The following RNF130 variants were observed in gnomAD, a reference collection of about 807,000 sequenced individuals.
RNF130 encodes the protein E3 ubiquitin-protein ligase RNF130.
A neutral mutation model predicts 44.6 loss-of-function variants in RNF130; 21 were observed. That is an observed-to-expected ratio of 0.47 (90% CI 0.33 to 0.68). RNF130 has a LOEUF of 0.68. Ranked by LOEUF, RNF130 falls within the 30% of genes least tolerant of loss-of-function variation. RNF130 has a pLI of 0.02. For missense variants in RNF130, 479 were observed against 560.6 expected (o/e 0.85, Z 1.47); for synonymous variants, 214 against 210.4 (o/e 1.02, Z -0.15).
chr5:180,050,535 ATG>A (rs1183790494), intron 1 of RNF130, among the ~76,000 whole-genome samples: 1 of 152,208 alleles, frequency 6.6e-6, no homozygotes, highest in Non-Finnish European at 1.5e-5. Flanking sequence ...CTGACCAAGT[ATG>A]TGGGCACCTG....
At chr5:180,005,003 C>T (rs528413987) in intron 3 of RNF130, among the ~76,000 whole-genome samples, 2 of 152,290 alleles carry the variant, frequency 1.3e-5, no homozygotes, top group South Asian at 4.1e-4. Context: ...CAGATCACTC[C>T]TCTCCTCTCT....
At chr5:179,917,731 G>T (rs189248810) in exon 8 of RNF130, 2 of 152,228 alleles carry the variant, frequency 1.3e-5, no homozygotes, top group East Asian at 3.9e-4. Flanking sequence ...GCTGGGCATG[G>T]TGGCTCACAA....
chr5:180,042,684 C>G (rs1385670727), intron 1 of RNF130, among the ~76,000 whole-genome samples: 2 of 152,220 alleles, frequency 1.3e-5, no homozygotes, highest in East Asian at 3.9e-4. Flanking sequence ...GTGTTCTGTT[C>G]GTTATTTTTC....
chr5:180,045,047 A>G (rs996598959), intron 1 of RNF130, among the ~76,000 whole-genome samples: 14 of 152,194 alleles, frequency 9.2e-5, no homozygotes, highest in Non-Finnish European at 2.1e-4. Context: ...AGTTGCCAGC[A>G]TAAAAACACA....
chr5:180,034,591 G>GTTCAT (rs57346064), intron 2 of RNF130, among the ~76,000 whole-genome samples: 121,081 of 151,562 alleles, frequency 0.8, 48,575 homozygotes, highest in South Asian at 0.93. Flanking sequence ...TTAGGAATTT[G>GTTCAT]TTCATCTAAG....
At chr5:179,930,456 G>C (rs1183661939) in intron 7 of RNF130, among the ~76,000 whole-genome samples, 2 of 152,104 alleles carry the variant, frequency 1.3e-5, no homozygotes, top group African/African-American at 2.4e-5. Context: ...AGAATATATT[G>C]AATTTTCTAC....
intron 3 of RNF130, among the ~76,000 whole-genome samples, chr5:179,989,664 A>T (rs1160221432): frequency 4.6e-5 from 7 of 152,190 alleles, no homozygotes; most frequent in Non-Finnish European, 1.5e-5. Flanking sequence ...TGTGTCATTT[A>T]AAAAAATCTA....
In RNF130 at chr5:179,966,898, C is replaced by A. The variant is rs1762463732; in HGVS notation, c.1058G>T (p.Gly353Val). ...CCCCGAAGTTCGAAGTGGCTCAAGG[C>A]CAAGGGAGTTGTCGCCGGCGAGGTC... ...LGDLAGDNSL[G>V]LEPLRTSGIS... Residue 353 changes from glycine (G) to valine (V), a missense_variant, in exon 7 of 9, where the codon GGC becomes GTC. Transcript: ENST00000521389. The A allele has an allele frequency of 2.5e-6, 4 of 1,614,098 alleles. No homozygotes were observed. Among genetic ancestry groups the A allele is most frequent in the Non-Finnish European group, 3.4e-6 (4 of 1,180,042 alleles).
At chr5:180,016,024 C>T (rs973504590) in intron 2 of RNF130, among the ~76,000 whole-genome samples, 1 of 152,156 alleles carries the variant, frequency 6.6e-6, no homozygotes, top group African/African-American at 2.4e-5. Flanking sequence ...AAAGGGGGAA[C>T]CTTTTGGACT....
chr5:180,014,803 T>C lies in RNF130; in HGVS notation c.443-1492A>G, dbSNP rs1243727540. ...GAGTCCAAGACCAGCCTGGGCAACA[T>C]GGTGAAACCCTGTCTCTCACAAAAA... On this transcript the variant is annotated intron_variant, in intron 2 of 8. Coordinates refer to ENST00000521389, the MANE Select transcript of RNF130 (RefSeq NM_018434.6). Among the ~76,000 whole-genome samples, 8 of 152,126 alleles carry C rather than the reference T, an allele frequency of 5.3e-5. No individual in the cohort carries two copies. The East Asian group carries it at 1.4e-3, about 26-fold the overall frequency.
intron 3 of RNF130, among the ~76,000 whole-genome samples, chr5:179,989,562 CTATTCT>C (rs1488739113): frequency 3.3e-5 from 5 of 152,080 alleles, no homozygotes; most frequent in Non-Finnish European, 7.4e-5. Flanking sequence ...ATAAGAATAG[CTATTCT>C]TACTGCTTTT....
At chr5:179,973,839 A>G (rs1176839421) in intron 5 of RNF130, among the ~76,000 whole-genome samples, 1 of 152,238 alleles carries the variant, frequency 6.6e-6, no homozygotes, top group South Asian at 2.1e-4. Flanking sequence ...TAACGTGGAC[A>G]GTGAAACCTG....
Position 180,018,516 on chromosome 5 carries a change from C to T in RNF130, c.443-5205G>A, listed in dbSNP as rs1350373440. On this transcript the variant is annotated intron_variant, in intron 2 of 8. Transcript: ENST00000521389. ...TCACTAGCCATGATTCAATGACCTC[C>T]GCCTGGTCCCACCCTTGACATGTGG... Among the ~76,000 whole-genome samples the T allele has an allele frequency of 3.1e-4, 47 of 152,090 alleles. 1 individual carries two copies. The highest frequency in any genetic ancestry group is 4.4e-5 in the Non-Finnish European group (3 of 68,016).
In RNF130 at chr5:179,977,471, C is replaced by G. The variant is rs534069517; in HGVS notation, c.848+732G>C. 6.6e-6 allele frequency: 1 copy of G among 152,430 alleles called. No homozygotes were observed. Among genetic ancestry groups the G allele is most frequent in the Non-Finnish European group, 1.5e-5 (1 of 68,138 alleles). 9.4% of individuals were successfully genotyped at this position (152,430 alleles called of 1,614,324 possible). The stretch of plus-strand genomic sequence containing the variant: ...AAGCACAGTGACTCATGCCTGTAAT[C>G]CCAACACTTTGAGAGGACAAGGCAG... On this transcript the variant is annotated intron_variant, in intron 5 of 8. Transcript: ENST00000521389. This position sits in a 1 kb window ranked among gnomAD's most constrained non-coding sequence, Gnocchi z 4.1.
intron 7 of RNF130, chr5:179,920,502 G>A (rs966536947): frequency 3.0e-6 from 2 of 666,308 alleles, no homozygotes; most frequent in Non-Finnish European, 5.5e-6. Context: ...AGGAAACAAT[G>A]CAGATTATCT....
chr5:179,952,249 A>G (rs1238896840), downstream of RNF130, among the ~76,000 whole-genome samples: 1 of 152,160 alleles, frequency 6.6e-6, no homozygotes, highest in African/African-American at 2.4e-5. Flanking sequence ...TAGAGAATAG[A>G]AGAGAGAAAA....
At chr5:179,993,040 A>C (rs544616095) in intron 3 of RNF130, among the ~76,000 whole-genome samples, 7 of 152,294 alleles carry the variant, frequency 4.6e-5, no homozygotes, top group East Asian at 1.9e-4. Context: ...CATGTCCCTA[A>C]AAAGGACATG....
chr5:180,058,560 T>A (rs558532018), intron 1 of RNF130, among the ~76,000 whole-genome samples: 1 of 152,228 alleles, frequency 6.6e-6, no homozygotes, highest in African/African-American at 2.4e-5. Context: ...GGTATGTTTT[T>A]ATTTTTTATT....
intron 7 of RNF130, among the ~76,000 whole-genome samples, chr5:179,938,082 G>A (rs910883815): frequency 6.6e-6 from 1 of 151,792 alleles, no homozygotes; most frequent in Non-Finnish European, 1.5e-5. Context: ...TCAGCCTCCC[G>A]AGTAGCTGGG....
Sources: gnomAD v4.1 joint callset for allele counts (sites outside exome capture counted in the v4.1 genomes callset) on GRCh38, gnomAD v4.1.1 for gene constraint, Gnocchi (gnomAD v3.1) non-coding constraint, MANE v1.5 for transcripts, NCBI Gene and HGNC (gene_info 2026-07-23, HGNC 2026-07-21) for gene names.